Variants in ARHGAP42 observed in about 807,000 individuals in gnomAD.
ARHGAP42 encodes the protein rho GTPase-activating protein 42.
A neutral mutation model predicts 125.0 loss-of-function variants in ARHGAP42; 63 were observed. The ratio of observed to expected loss-of-function variants is 0.50; its 90% CI spans 0.41 to 0.62. The LOEUF is 0.62. ARHGAP42 is among the 20% of genes least tolerant of loss of function. ARHGAP42 has a pLI of 0.00. For missense variants in ARHGAP42, 766 were observed against 1,024.2 expected, an observed-to-expected ratio of 0.75 and a Z score of 3.44; for synonymous variants, 339 against 351.0, an observed-to-expected ratio of 0.97 and a Z score of 0.38.
intron 4 of ARHGAP42, among the ~76,000 whole-genome samples, chr11:100,860,537 A>T (rs760098169): frequency 4.6e-5 from 7 of 152,092 alleles, no homozygotes; most frequent in Non-Finnish European, 8.8e-5. Flanking sequence ...CAGCAGGCAC[A>T]GTTTTCTGTT....
intron 3 of ARHGAP42, among the ~76,000 whole-genome samples, chr11:100,808,960 T>A (rs982249020): frequency 1.3e-5 from 2 of 152,190 alleles, no homozygotes; most frequent in African/African-American, 4.8e-5. Flanking sequence ...TATCTGTGTG[T>A]CACCCAGGAT....
Position 100,947,607 on chromosome 11 carries a change from C to A in ARHGAP42, c.1044-850C>A, listed in dbSNP as rs576043136. Among the ~76,000 whole-genome samples the A allele has an allele frequency of 3.3e-5, 5 of 152,032 alleles. No homozygotes were observed. In the East Asian group the frequency reaches 9.7e-4, roughly 29 times the overall value. On this transcript the variant is annotated intron_variant, in intron 10 of 23. Coordinates refer to ENST00000298815, the MANE Select transcript of ARHGAP42 (RefSeq NM_152432.4). ...TTTCAATATTTTATTTTTGGTATTA[C>A]TACACTGGCTTAAATTCTCCAACAT...
At chr11:100,718,937 A>G (rs1444801994) in intron 1 of ARHGAP42, among the ~76,000 whole-genome samples, 1 of 152,234 alleles carries the variant, frequency 6.6e-6, no homozygotes, top group Non-Finnish European at 1.5e-5. Context: ...AGTATTCTCT[A>G]ATGAATGGTA....
chr11:100,858,087 GT>G (rs1267135100), intron 3 of ARHGAP42, among the ~76,000 whole-genome samples: 4 of 34,660 alleles, frequency 1.2e-4, no homozygotes, highest in African/African-American at 4.4e-4. Flanking sequence ...CTGGATAGGG[GT>G]GTGTGTGTGT....
intron 3 of ARHGAP42, among the ~76,000 whole-genome samples, chr11:100,857,833 G>A (rs992635689): frequency 2.6e-5 from 4 of 151,924 alleles, no homozygotes; most frequent in Admixed American, 6.6e-5. Context: ...ACAGAAACCC[G>A]TCCTCGTTCC....
intron 1 of ARHGAP42, among the ~76,000 whole-genome samples, chr11:100,704,696 T>C (rs1029445995): frequency 6.6e-6 from 1 of 151,666 alleles, no homozygotes; most frequent in African/African-American, 2.4e-5. Flanking sequence ...CGGTGGTTCA[T>C]GCCTGTAATC....
At chr11:100,828,398 C>A (rs1257975569) in intron 3 of ARHGAP42, among the ~76,000 whole-genome samples, 2 of 152,260 alleles carry the variant, frequency 1.3e-5, no homozygotes, top group African/African-American at 4.8e-5. Context: ...GCTGTGCTCA[C>A]CCCTGTTCTC....
intron 3 of ARHGAP42, among the ~76,000 whole-genome samples, chr11:100,851,248 G>A (rs538038332): frequency 2.0e-4 from 31 of 152,204 alleles, no homozygotes; most frequent in Admixed American, 1.3e-3. Context: ...AACACTGAAT[G>A]AATGATCACA....
At chr11:100,740,527 T>G (rs1402645859) in intron 1 of ARHGAP42, among the ~76,000 whole-genome samples, 1 of 152,218 alleles carries the variant, frequency 6.6e-6, no homozygotes, top group Non-Finnish European at 1.5e-5. Flanking sequence ...TTCTTTGCCA[T>G]TTGAAGGCAG....
chr11:100,907,052 G>A (rs1866757267), intron 4 of ARHGAP42, among the ~76,000 whole-genome samples: 1 of 152,174 alleles, frequency 6.6e-6, no homozygotes, highest in African/African-American at 2.4e-5. Context: ...TCCCTTAGTA[G>A]TGCAATGTTT....
At chr11:100,959,773 A>AG (rs1199400080) in intron 12 of ARHGAP42, 110 bp from the exon 13 acceptor site, 1 of 1,003,016 alleles carries the variant, frequency 1.0e-6, no homozygotes, top group African/African-American at 1.6e-5. Flanking sequence ...TGGAAGACTC[A>AG]GAAAAAACCT....
chr11:100,778,909 A>G (rs1863198851), intron 2 of ARHGAP42, among the ~76,000 whole-genome samples: 2 of 152,170 alleles, frequency 1.3e-5, no homozygotes, highest in African/African-American at 4.8e-5. Flanking sequence ...GTTCTGCCCA[A>G]CAAAAAATAG....
intron 2 of ARHGAP42, among the ~76,000 whole-genome samples, chr11:100,792,752 CTTTTTTTTT>C (rs3063409): frequency 2.1e-5 from 3 of 141,528 alleles, no homozygotes; most frequent in Admixed American, 6.9e-5. Context: ...TTGGAATTTT[CTTTTTTTTT>C]TTTTTTTTTG....
intron 8 of ARHGAP42, 126 bp downstream of exon 8, chr11:100,936,458 C>T: frequency 7.8e-7 from 1 of 1,283,214 alleles, no homozygotes; most frequent in East Asian, 2.6e-5. Context: ...ATCTACTTTC[C>T]CCCCACCACA....
At chr11:100,874,566 C>CAG (rs1241661240) in intron 4 of ARHGAP42, among the ~76,000 whole-genome samples, 1 of 152,168 alleles carries the variant, frequency 6.6e-6, no homozygotes, top group African/African-American at 2.4e-5. Flanking sequence ...AAGTGAAGGG[C>CAG]AGACTTCTGG....
At chr11:100,774,354 A>C (rs1302008113) in intron 2 of ARHGAP42, among the ~76,000 whole-genome samples, 2 of 152,148 alleles carry the variant, frequency 1.3e-5, no homozygotes, top group East Asian at 3.9e-4. Flanking sequence ...CACTGTCTTT[A>C]CCTTGTTGAA....
chr11:100,898,553 T>A (rs1866426638), intron 4 of ARHGAP42, among the ~76,000 whole-genome samples: 1 of 152,220 alleles, frequency 6.6e-6, no homozygotes, highest in Non-Finnish European at 1.5e-5. Flanking sequence ...TTCATCTTCT[T>A]CCTGGTTTAT....
intron 1 of ARHGAP42, among the ~76,000 whole-genome samples, chr11:100,750,299 A>G (rs564678401): frequency 5.3e-5 from 8 of 152,308 alleles, no homozygotes; most frequent in African/African-American, 1.9e-4. Context: ...CTTATTCCTG[A>G]TGCACGTGGC....
chr11:100,992,952 G>A lies in ARHGAP42; in HGVS notation c.*4151G>A, dbSNP rs1194485740. On this transcript the variant is annotated 3_prime_UTR_variant, in exon 24 of 24. Transcript: ENST00000298815. The stretch of plus-strand genomic sequence containing the variant: ...CCAAGTTCAGTGTGGATTTTTCTTG[G>A]TGCTCTATGGAGAAATGGAGTCTGT... 6.9e-6 allele frequency: 3 copies of A among 432,364 alleles called. No homozygotes were observed. Among genetic ancestry groups the A allele is most frequent in the Non-Finnish European group, 1.3e-5 (3 of 236,770 alleles). 26.8% of individuals were successfully genotyped at this position (432,364 alleles called of 1,614,324 possible).
Sources: allele counts gnomAD v4.1 joint callset (sites outside exome capture counted in the v4.1 genomes callset), GRCh38; gene constraint gnomAD v4.1.1; transcripts MANE v1.5; gene names NCBI Gene and HGNC (gene_info 2026-07-23, HGNC 2026-07-21).